GTF3C1: variants seen among roughly 807,000 people sequenced by gnomAD.
The protein encoded by GTF3C1 is general transcription factor 3C polypeptide 1.
A neutral mutation model predicts 226.7 loss-of-function variants in GTF3C1; 57 were observed. That is an observed-to-expected ratio of 0.25 (90% confidence interval 0.20 to 0.31). The LOEUF (loss-of-function observed/expected upper bound fraction) is 0.31. Among genes scored for constraint, GTF3C1 ranks in the 10% least tolerant of loss-of-function variants. The probability of loss-of-function intolerance (pLI) is 1.00; values close to 1 mark genes in which losing one functional copy is unlikely to be tolerated. For synonymous variants in GTF3C1, 1,090 were observed against 1,084.8 expected, an observed-to-expected ratio of 1.00 and a Z score of -0.09; for missense variants, 2,217 against 2,776.1, an observed-to-expected ratio of 0.80 and a Z score of 4.53.
chr16:27,493,894 C>T (rs1221414408), intron 16 of GTF3C1, among the ~76,000 whole-genome samples: 1 of 151,092 alleles, frequency 6.6e-6, no homozygotes, highest in Non-Finnish European at 1.5e-5. Flanking sequence ...TAGTCAAAAG[C>T]ACAGACAATA....
chr16:27,516,289 C>CTGTT (rs940334744), intron 6 of GTF3C1, among the ~76,000 whole-genome samples: 14 of 152,230 alleles, frequency 9.2e-5, no homozygotes, highest in African/African-American at 3.1e-4. Flanking sequence ...GGACTATGAG[C>CTGTT]TGTTCTGTGC....
rs2088256139 is a variant in GTF3C1 at position 27,492,983 on chromosome 16, C to T, written c.2876+216G>A. Among the ~76,000 whole-genome samples, 1 of 152,166 alleles carries T rather than the reference C, an allele frequency of 6.6e-6. No homozygotes were observed. The highest frequency in any genetic ancestry group is 6.5e-5 in the Admixed American group (1 of 15,280). On this transcript the variant is annotated intron_variant, in intron 17 of 36. Coordinates refer to ENST00000356183, the MANE Select transcript of GTF3C1 (RefSeq NM_001520.4). The surrounding 1 kb of genome is among the most constrained non-coding windows in gnomAD (Gnocchi z 5.0). ...AAAAAAATTCCGATACTTGCAGACA[C>T]TAGCAGCAGATTTTACTTTAAAAGA...
Position 27,511,731 on chromosome 16 carries a change from C to CA in GTF3C1, c.1126+17dup, listed in dbSNP as rs1443383502. On this transcript the variant is annotated intron_variant, in intron 7 of 36. Coordinates refer to ENST00000356183, the MANE Select transcript of GTF3C1 (RefSeq NM_001520.4). ...TTCTCGGGATCCATATCCAAGCTGG[C>CA]ATGGGAACAAGACTTACTGAGGTCG... The CA allele has an allele frequency of 5.0e-6, 8 of 1,611,648 alleles. No homozygotes were observed. The Admixed American group carries it at 8.4e-5, about 17-fold the overall frequency.
At chr16:27,517,372 C>T (rs1431135277) in intron 6 of GTF3C1, among the ~76,000 whole-genome samples, 1 of 152,198 alleles carries the variant, frequency 6.6e-6, no homozygotes, top group Non-Finnish European at 1.5e-5. Context: ...AGGGGCAGAG[C>T]AAGACCCGAA....
chr16:27,535,386 A>G (rs1043823722), intron 4 of GTF3C1, among the ~76,000 whole-genome samples: 1 of 152,152 alleles, frequency 6.6e-6, no homozygotes, highest in African/African-American at 2.4e-5. Flanking sequence ...CAGCCTGACC[A>G]ACATGGTGAA....
intron 6 of GTF3C1, among the ~76,000 whole-genome samples, chr16:27,513,488 G>A (rs553811952): frequency 1.3e-5 from 2 of 152,224 alleles, no homozygotes; most frequent in East Asian, 3.9e-4. Flanking sequence ...ACAAAAAGTC[G>A]TTAAAAGAGA....
rs1483019459 is a variant in GTF3C1, at chr16:27,463,734, C to T, written c.5873-142G>A. ...AGTGTCAAAAAAAAAGGACAATGAG[C>T]ATCTCACAGAGCGGCCACCCTGGAG... On this transcript the variant is annotated intron_variant, in intron 34 of 36. Transcript: ENST00000356183. The surrounding 1 kb of genome is among the most constrained non-coding windows in gnomAD (Gnocchi z 4.9). 2 of 704,788 alleles carry T rather than the reference C, an allele frequency of 2.8e-6. No individual in the cohort carries two copies. Among genetic ancestry groups the T allele is most frequent in the African/African-American group, 3.6e-5 (2 of 55,826 alleles). 43.7% of individuals were successfully genotyped at this position (704,788 alleles called of 1,614,324 possible).
chr16:27,510,303 G>A (rs2088554160), intron 7 of GTF3C1, among the ~76,000 whole-genome samples: 2 of 151,744 alleles, frequency 1.3e-5, no homozygotes, highest in South Asian at 2.1e-4. Context: ...GGAGAATGGC[G>A]TGAACCCAGG....
chr16:27,534,347 T>C (rs1391709935), intron 4 of GTF3C1, among the ~76,000 whole-genome samples: 1 of 152,204 alleles, frequency 6.6e-6, no homozygotes, highest in Non-Finnish European at 1.5e-5. Flanking sequence ...GGGAGAAATC[T>C]TGTGGCCAGT....
chr16:27,530,854 G>A (rs2088904738), intron 5 of GTF3C1, among the ~76,000 whole-genome samples: 1 of 152,214 alleles, frequency 6.6e-6, no homozygotes, highest in Admixed American at 6.5e-5. Context: ...CTGCCTCAGT[G>A]AGCAGCAGCC....
At chr16:27,495,968 T>G (rs534200931) in intron 14 of GTF3C1, among the ~76,000 whole-genome samples, 2 of 152,156 alleles carry the variant, frequency 1.3e-5, no homozygotes, top group Non-Finnish European at 2.9e-5. Flanking sequence ...TGGGAAGGCT[T>G]GGATGCCCCT....
In GTF3C1 at chr16:27,489,025, GGT is replaced by G. The variant is rs760441463; in HGVS notation, c.3429+16_3429+17del. The G allele has an allele frequency of 6.2e-7, 1 of 1,611,292 alleles. No homozygotes were observed. The highest frequency in any genetic ancestry group is 8.5e-7 in the Non-Finnish European group (1 of 1,177,818). On this transcript the variant is annotated intron_variant, in intron 21 of 36. Transcript: ENST00000356183. Reference sequence around the variant, plus strand: ...GCGAGGACCCCTGAGATTGTAGTCCGGTGTGACGCACACCCACCTTTTTGGCC... The same window carrying G: ...GCGAGGACCCCTGAGATTGTAGTCCGGTGACGCACACCCACCTTTTTGGCC...
intron 7 of GTF3C1, among the ~76,000 whole-genome samples, chr16:27,510,508 G>A (rs1346307012): frequency 6.6e-6 from 1 of 152,038 alleles, no homozygotes; most frequent in Non-Finnish European, 1.5e-5. Context: ...AGTGAACTGA[G>A]ATACCACTGC....
At chr16:27,546,093 C>T (rs927776340) in intron 1 of GTF3C1, among the ~76,000 whole-genome samples, 3 of 152,236 alleles carry the variant, frequency 2.0e-5, no homozygotes, top group African/African-American at 4.8e-5. Flanking sequence ...GTGATCCACC[C>T]GCCTCAGCTT....
chr16:27,471,916 A>G lies in GTF3C1; in HGVS notation c.4358T>C (p.Phe1453Ser). 2 of 1,614,102 alleles carry G rather than the reference A, an allele frequency of 1.2e-6. No homozygotes were observed. The highest frequency in any genetic ancestry group is 1.7e-6 in the Non-Finnish European group (2 of 1,179,996). Residue 1453 changes from phenylalanine to serine, a missense_variant, in exon 30 of 37, where the codon TTC becomes TCC. Coordinates refer to ENST00000356183, the MANE Select transcript of GTF3C1 (RefSeq NM_001520.4). This position sits in a 1 kb window ranked among gnomAD's most constrained non-coding sequence, Gnocchi z 5.0. ...QMKSYQSFQT[F>S]RLYREYKDHV... ...GTCCTTGTACTCCCGATAGAGGCGG[A>G]AAGTCTGCAACACAGGGCGGCGAGG...
chr16:27,465,306 T>G lies in GTF3C1; in HGVS notation c.5309A>C (p.Glu1770Ala). The G allele has an allele frequency of 6.2e-7, 1 of 1,614,052 alleles. No individual in the cohort carries two copies. Among genetic ancestry groups the G allele is most frequent in the Non-Finnish European group, 8.5e-7 (1 of 1,179,998 alleles). ...EELRRRFSAL[E>A]KAGGGRTRTF... ...CCTGGTGCGCCCACCACCTGCCTTC[T>G]CCAAGGCCGAGAACCGTCTGCGCAG... The change falls in exon 33 of 37, where the codon GAG becomes GCG. Residue 1770 changes from glutamate to alanine, a missense_variant. Around this residue, in one of 12 missense-constraint regions of GTF3C1, gnomAD observed 455 missense variants for 441.9 expected, o/e 1.03. Transcript: ENST00000356183.
chr16:27,484,352 A>C lies in GTF3C1; in HGVS notation c.3860T>G (p.Val1287Gly). The part of the protein sequence containing the change: ...RIASNVLNTK[V>G]KGPFVTWQVV... ...CTGCCAGGTGACAAATGGGCCCTTCACCTGGATCAAACACAGAGCCAAGAC... is the reference window on the plus strand; with the variant it reads ...CTGCCAGGTGACAAATGGGCCCTTCCCCTGGATCAAACACAGAGCCAAGAC... The change falls in exon 25 of 37, where the codon GTG (valine) becomes GGG (glycine). Residue 1287 changes from valine (V) to glycine (G), a missense_variant and splice_region_variant. Around this residue, in one of 12 missense-constraint regions of GTF3C1, gnomAD observed 546 missense variants for 663.0 expected, o/e 0.82. Coordinates refer to ENST00000356183, the MANE Select transcript of GTF3C1 (RefSeq NM_001520.4). 2 of 1,605,260 alleles carry C rather than the reference A, an allele frequency of 1.2e-6. No individual in the cohort carries two copies. The highest frequency in any genetic ancestry group is 1.7e-6 in the Non-Finnish European group (2 of 1,172,098).
chr16:27,506,757 C>T lies in GTF3C1; in HGVS notation c.1552+90G>A, dbSNP rs117502590. 1.6e-3 allele frequency: 1,483 copies of T among 900,686 alleles called. 31 individuals carry two copies. In the East Asian group the frequency reaches 0.032, roughly 20 times the overall value. 55.8% of individuals were successfully genotyped at this position (900,686 alleles called of 1,614,324 possible). On this transcript the variant is annotated intron_variant, in intron 9 of 36. Transcript: ENST00000356183. The stretch of plus-strand genomic sequence containing the variant: ...TCATTAGGATGGCACCAAGGGCAAC[C>T]GCAGGTGTTTGCTGAACTGAAGGGG...
At chr16:27,527,194 C>T (rs904932190) in intron 6 of GTF3C1, among the ~76,000 whole-genome samples, 19 of 152,230 alleles carry the variant, frequency 1.2e-4, no homozygotes, top group East Asian at 3.9e-4. Flanking sequence ...GGAAATAGAG[C>T]GAGACCCTGT....
Sources: gnomAD v4.1 joint callset for allele counts (sites outside exome capture counted in the v4.1 genomes callset) on GRCh38, gnomAD v4.1.1 for gene constraint, gnomAD v4.1.1 regional missense constraint, Gnocchi (gnomAD v3.1) non-coding constraint, MANE v1.5 for transcripts, NCBI Gene and HGNC (gene_info 2026-07-23, HGNC 2026-07-21) for gene names.